The following NUDT16L1 variants were observed in gnomAD, a reference collection of about 807,000 sequenced individuals.
NUDT16L1 encodes nudix hydrolase 16 like 1.
Under a neutral mutation model 17.3 loss-of-function variants are expected in NUDT16L1, and 19 were observed. The ratio of observed to expected loss-of-function variants is 1.10; its 90% confidence interval spans 0.77 to 1.61. The LOEUF (loss-of-function observed/expected upper bound fraction) is 1.61, where lower values mean the gene tolerates loss of function less well. NUDT16L1 is among the 40% of genes most tolerant of loss of function. NUDT16L1 has a pLI of 0.00. For missense variants in NUDT16L1, 341 were observed against 292.0 expected, an observed-to-expected ratio of 1.17 and a Z score of -1.22; for synonymous variants, 255 against 138.6, an observed-to-expected ratio of 1.84 and a Z score of -5.90.
chr16:4,694,389 G>C, intron 2 of NUDT16L1, 151 bp downstream of exon 2: 1 of 1,487,522 alleles, frequency 6.7e-7, no homozygotes, highest in Non-Finnish European at 8.9e-7. Flanking sequence ...AGAGGGGTCT[G>C]GGGCTGGGAG....
chr16:4,694,061 C>T (rs370938268), exon 2 of NUDT16L1: 21 of 1,588,724 alleles, frequency 1.3e-5, no homozygotes, highest in Non-Finnish European at 1.7e-5. Flanking sequence ...ACGGCCTGAA[C>T]CGGGTGCTGG....
At chr16:4,695,258 G>C in exon 3 of NUDT16L1, 2 of 1,430,536 alleles carry the variant, frequency 1.4e-6, no homozygotes, top group African/African-American at 1.4e-5. Context: ...TAGAGTGTTT[G>C]TGTGTACCCC....
exon 3 of NUDT16L1, chr16:4,695,316 G>A (rs1425796919): frequency 2.3e-6 from 2 of 851,760 alleles, no homozygotes; most frequent in Non-Finnish European, 3.6e-6. Flanking sequence ...CATCTCCACT[G>A]TCCCAAGCAG....
chr16:4,693,690 CTT>C, upstream of NUDT16L1: 1 of 1,475,422 alleles, frequency 6.8e-7, no homozygotes, highest in Non-Finnish European at 9.0e-7. Flanking sequence ...CGCGCATGCT[CTT>C]AAGTGGCAGC....
intron 2 of NUDT16L1, 29 bp from the exon 3 acceptor site, chr16:4,694,929 G>A (rs756841089): frequency 6.3e-7 from 1 of 1,584,568 alleles, no homozygotes; most frequent in Non-Finnish European, 8.5e-7. Context: ...GGCAGGCCTG[G>A]CCCCAACCCC....
At chr16:4,694,867 A>G (rs1008241800) in intron 2 of NUDT16L1, 91 bp from the exon 3 acceptor site, 139 of 1,499,532 alleles carry the variant, frequency 9.3e-5, no homozygotes, top group Non-Finnish European at 1.2e-4. Context: ...CTGGCTGCTC[A>G]TACCCTGGCC....
chr16:4,695,549 T>C, exon 3 of NUDT16L1: 1 of 456,342 alleles, frequency 2.2e-6, no homozygotes, highest in Non-Finnish European at 3.9e-6. Flanking sequence ...GAAGATGGGA[T>C]GTGTGGGTGG....
exon 3 of NUDT16L1, chr16:4,695,098 G>T (rs767422461): frequency 6.2e-7 from 1 of 1,613,590 alleles, no homozygotes; most frequent in East Asian, 2.2e-5. Context: ...TGATGCCCGA[G>T]GAGAAGCTGG....
intron 1 of NUDT16L1, 33 bp downstream of exon 1, chr16:4,693,912 C>CGGCGCGGGCG (rs1434349172): frequency 1.0e-5 from 15 of 1,474,392 alleles, no homozygotes; most frequent in Middle Eastern, 1.8e-4. Context: ...GCGAGGGTGC[C>CGGCGCGGGCG]GGCGCGGGCG....
At chr16:4,695,481 G>C in exon 3 of NUDT16L1, 1 of 566,948 alleles carries the variant, frequency 1.8e-6, no homozygotes, top group East Asian at 2.8e-5. Flanking sequence ...ACAGCTGGTA[G>C]AGACCCAGGA....
rs1297735981 is a variant in NUDT16L1 at position 4,694,618 on chromosome 16, T to C, written c.415-340T>C. ...GGAACCTCATGTTGGGCGTGAAGGC[T>C]CTTGGGATTTGTACTTTGTGGTCTG... On this transcript the variant is annotated intron_variant, in intron 2 of 2. Transcript: ENST00000304301. 22 of 1,424,158 alleles carry C rather than the reference T, an allele frequency of 1.5e-5. No homozygotes were observed. In the South Asian group the frequency reaches 3.1e-4, roughly 20 times the overall value. 88.2% of individuals were successfully genotyped at this position (1,424,158 alleles called of 1,614,324 possible).
At chr16:4,693,763 A>C in exon 1 of NUDT16L1, 3 of 1,560,718 alleles carry the variant, frequency 1.9e-6, no homozygotes, top group Non-Finnish European at 2.6e-6. Context: ...GAAGCAGATC[A>C]GCCGGGTGGA....
At chr16:4,694,416 C>CG in intron 2 of NUDT16L1, 178 bp downstream of exon 2, 1 of 513,744 alleles carries the variant, frequency 1.9e-6, no homozygotes, top group Non-Finnish European at 3.0e-6. Context: ...AAAGGAGGGG[C>CG]GGGGGTGGGG....
At chr16:4,695,519 C>CACAGCTCTG (rs2079523210) in exon 3 of NUDT16L1, 1 of 542,638 alleles carries the variant, frequency 1.8e-6, no homozygotes, top group African/African-American at 1.9e-5. Flanking sequence ...AGGGGTGGCG[C>CACAGCTCTG]ACAGCTCTGG....
At position 4,694,525 on chromosome 16, in the gene NUDT16L1, G is replaced by A. The variant is rs1377298747; in HGVS notation, c.414+287G>A. On this transcript the variant is annotated intron_variant, in intron 2 of 2. Transcript: ENST00000304301. Reference sequence around the variant, plus strand: ...GGAGTGGGATCGGTGGGGAGGAAGGGATGGGGGAGGAGCGGGGATTGCTTG... The same window carrying A: ...GGAGTGGGATCGGTGGGGAGGAAGGAATGGGGGAGGAGCGGGGATTGCTTG... 6 of 1,462,602 alleles carry A rather than the reference G, an allele frequency of 4.1e-6. No homozygotes were observed. The South Asian group carries it at 5.3e-5, about 13-fold the overall frequency. The allele number at this position is 1,462,602 out of a possible 1,614,324, so 90.6% of individuals were successfully genotyped here.
chr16:4,694,707 C>A (rs1028343920), intron 2 of NUDT16L1: 1 of 1,418,828 alleles, frequency 7.0e-7, no homozygotes, highest in African/African-American at 1.5e-5. Flanking sequence ...GGGTGCGGAC[C>A]CCGGGGTGGG....
chr16:4,694,105 C>G (rs760261123), exon 2 of NUDT16L1: 4 of 1,590,768 alleles, frequency 2.5e-6, no homozygotes, highest in Non-Finnish European at 3.4e-6. Flanking sequence ...CTCACCGAGG[C>G]CGACTACCTG....
chr16:4,694,734 G>T (rs960741534), intron 2 of NUDT16L1: 173 of 1,424,610 alleles, frequency 1.2e-4, no homozygotes, highest in Non-Finnish European at 1.5e-4. Context: ...TGGGTACGAG[G>T]GGGGGGAGTG....
chr16:4,694,638 G>A, intron 2 of NUDT16L1: 1 of 1,421,064 alleles, frequency 7.0e-7, no homozygotes, highest in African/African-American at 1.4e-5. Context: ...TGTACTTTGT[G>A]GTCTGGAAGG....
Sources: gnomAD v4.1 joint callset for allele counts on GRCh38, gnomAD v4.1.1 for gene constraint, MANE v1.5 for transcripts, NCBI Gene and HGNC (gene_info 2026-07-23, HGNC 2026-07-21) for gene names.